Variants in DPP6 observed in about 807,000 individuals in gnomAD.
DPP6 encodes the protein A-type potassium channel modulatory protein DPP6.
A neutral mutation model predicts 122.6 loss-of-function variants in DPP6; 69 were observed. The observed-to-expected ratio is 0.56, with a 90% CI of 0.46 to 0.69. DPP6 has a LOEUF of 0.69. Ranked by LOEUF, DPP6 falls within the 30% of genes least tolerant of loss-of-function variation. DPP6 has a pLI of 0.00. For synonymous variants in DPP6, 418 were observed against 433.1 expected, an observed-to-expected ratio of 0.97 and a Z score of 0.43; for missense variants, 928 against 1,116.9, an observed-to-expected ratio of 0.83 and a Z score of 2.41.
At chr7:153,846,884 A>G in the DPP6 span, among the ~76,000 whole-genome samples, 1 of 151,450 alleles carries the variant, frequency 6.6e-6, no homozygotes, top group Non-Finnish European at 1.5e-5. Flanking sequence ...TTTTTAGTAG[A>G]GATGGGGTTT....
intron 1 of DPP6, among the ~76,000 whole-genome samples, chr7:154,337,686 G>A (rs1264931744): frequency 6.6e-6 from 1 of 152,200 alleles, no homozygotes; most frequent in Non-Finnish European, 1.5e-5. Context: ...CTGGGCTCAG[G>A]AAGGCATTCC....
intron 1 of DPP6, among the ~76,000 whole-genome samples, chr7:154,098,319 C>T (rs1410084755): frequency 6.6e-6 from 1 of 152,158 alleles, no homozygotes; most frequent in Non-Finnish European, 1.5e-5. Context: ...CTGAGGCCTC[C>T]CCAGCCATGC....
chr7:154,099,504 G>A (rs1485680506), intron 1 of DPP6, among the ~76,000 whole-genome samples: 8 of 152,134 alleles, frequency 5.3e-5, no homozygotes, highest in Non-Finnish European at 7.3e-5. Context: ...TATTAAAAGC[G>A]TGGCCAAGAG....
the DPP6 span, among the ~76,000 whole-genome samples, chr7:153,823,602 G>C: frequency 1.2e-5 from 1 of 83,972 alleles, no homozygotes; most frequent in Non-Finnish European, 2.6e-5. Flanking sequence ...GCCTTTTCCA[G>C]AATATCAGGA....
At chr7:154,082,166 A>G (rs558657434) in intron 1 of DPP6, among the ~76,000 whole-genome samples, 3 of 152,294 alleles carry the variant, frequency 2.0e-5, no homozygotes, top group Non-Finnish European at 2.9e-5. Flanking sequence ...AGAGAGTCAC[A>G]TAGCATTTGG....
rs200645403 is a variant in DPP6 at position 154,105,186 on chromosome 7, C to T, written c.243+52123C>T. Among the ~76,000 whole-genome samples the T allele has an allele frequency of 3.3e-4, 51 of 152,298 alleles. 1 individual carries two copies. The East Asian group carries it at 8.1e-3, about 24-fold the overall frequency. On this transcript the variant is annotated intron_variant, in intron 1 of 25. Transcript: ENST00000377770. ...GACTCGACCGTTTGTCCCTCTGACA[C>T]GTAATCTAAGATGTCAGAAGTATTT...
chr7:154,341,515 T>G (rs1809932727), intron 1 of DPP6, among the ~76,000 whole-genome samples: 1 of 152,050 alleles, frequency 6.6e-6, no homozygotes, highest in South Asian at 2.1e-4. Flanking sequence ...GGGTCGGGCT[T>G]TACTTCTTGA....
rs368940288 is a variant in DPP6, at chr7:154,608,580, G to A, written c.628-29241G>A. Among the ~76,000 whole-genome samples the A allele has an allele frequency of 7.1e-4, 106 of 148,404 alleles. 4 individuals are homozygous for A. In the South Asian group the frequency reaches 0.019, roughly 27 times the overall value. On this transcript the variant is annotated intron_variant, in intron 5 of 25. Coordinates refer to ENST00000377770, the MANE Select transcript of DPP6 (RefSeq NM_130797.4). ...TTGAACTCCTGACCTCAAGTGATCC[G>A]CCTGCCTTGGCCTCCCAAAGTGCCA...
chr7:153,766,514 C>T, the DPP6 span, among the ~76,000 whole-genome samples: 4 of 152,196 alleles, frequency 2.6e-5, no homozygotes, highest in South Asian at 8.3e-4. Context: ...TAGAACCTTG[C>T]CATTAAACAT....
chr7:153,869,692 T>G, the DPP6 span, among the ~76,000 whole-genome samples: 1 of 152,214 alleles, frequency 6.6e-6, no homozygotes, highest in Non-Finnish European at 1.5e-5. Context: ...ATCCTGTCAT[T>G]ATGATGTTAG....
intron 2 of DPP6, among the ~76,000 whole-genome samples, chr7:154,466,212 G>T (rs1821767077): frequency 6.6e-6 from 1 of 152,068 alleles, no homozygotes; most frequent in Non-Finnish European, 1.5e-5. Context: ...TCGAGGGGTG[G>T]GGGGCAAGGG....
chr7:154,637,819 A>C lies in DPP6; in HGVS notation c.628-2A>C. 4 of 1,576,774 alleles carry C rather than the reference A, an allele frequency of 2.5e-6. No individual in the cohort carries two copies. The highest frequency in any genetic ancestry group is 3.4e-6 in the Non-Finnish European group (4 of 1,159,882). ...ACCTTTTTTCCTTTTTGTCTGTTGC[A>C]GATATATCAACACTCGTATACTGGA... On this transcript the variant is annotated splice_acceptor_variant, in intron 5 of 25. Transcript: ENST00000377770. LOFTEE classifies it high-confidence loss of function.
chr7:153,865,846 C>T, the DPP6 span, among the ~76,000 whole-genome samples: 7 of 144,088 alleles, frequency 4.9e-5, no homozygotes, highest in African/African-American at 1.8e-4. Context: ...TATTCCACTT[C>T]CTGTGTCCAT....
intron 1 of DPP6, among the ~76,000 whole-genome samples, chr7:153,901,757 G>A (rs183217435): frequency 2.6e-5 from 4 of 152,318 alleles, no homozygotes; most frequent in Admixed American, 2.0e-4. Flanking sequence ...TGAAGATGCT[G>A]ACTCTTTACA....
At chr7:154,141,669 G>A (rs953778614) in intron 1 of DPP6, among the ~76,000 whole-genome samples, 4 of 152,304 alleles carry the variant, frequency 2.6e-5, no homozygotes, top group Admixed American at 2.6e-4. Context: ...AGGCCCCCAC[G>A]CAGCTCATGC....
At chr7:154,017,713 A>T (rs1420290264) in intron 1 of DPP6, among the ~76,000 whole-genome samples, 10 of 120,728 alleles carry the variant, frequency 8.3e-5, no homozygotes, top group African/African-American at 3.6e-4. Context: ...AAAAATAAAA[A>T]AAAAATAAAA....
chr7:154,774,774 G>C (rs1018970681), intron 10 of DPP6, among the ~76,000 whole-genome samples: 12 of 152,200 alleles, frequency 7.9e-5, no homozygotes, highest in African/African-American at 2.9e-4. Flanking sequence ...CCTGAGCACT[G>C]GGAATTTGGT....
chr7:154,260,868 T>A (rs1399255071), intron 1 of DPP6, among the ~76,000 whole-genome samples: 1 of 151,794 alleles, frequency 6.6e-6, no homozygotes, highest in Admixed American at 6.6e-5. Context: ...GATTGCTAGA[T>A]CAAATGGTAG....
At chr7:154,786,192 G>C (rs1359841693) in intron 10 of DPP6, among the ~76,000 whole-genome samples, 1 of 152,184 alleles carries the variant, frequency 6.6e-6, no homozygotes, top group Admixed American at 6.5e-5. Context: ...CTGAATTCTT[G>C]AATAGCTAAA....
Sources: allele counts gnomAD v4.1 joint callset (sites outside exome capture counted in the v4.1 genomes callset), GRCh38; gene constraint gnomAD v4.1.1; transcripts MANE v1.5; gene names NCBI Gene and HGNC (gene_info 2026-07-23, HGNC 2026-07-21).